The following TGM3 variants were observed in gnomAD, a reference collection of about 807,000 sequenced individuals.
TGM3 encodes the protein protein-glutamine gamma-glutamyltransferase E.
In TGM3, 52 loss-of-function variants were observed where a neutral mutation model predicts 73.8. The ratio of observed to expected loss-of-function variants is 0.70; its 90% CI spans 0.56 to 0.89. TGM3 has a LOEUF of 0.89. Ranked by LOEUF, TGM3 falls within the 40% of genes least tolerant of loss-of-function variation. The pLI, the probability that TGM3 is intolerant of heterozygous loss-of-function variation, is 0.00. For missense variants in TGM3, 928 were observed against 909.9 expected, an observed-to-expected ratio of 1.02 and a Z score of -0.26; for synonymous variants, 372 against 354.9, an observed-to-expected ratio of 1.05 and a Z score of -0.54.
At chr20:2,299,075 A>T (rs2084127673) in intron 1 of TGM3, among the ~76,000 whole-genome samples, 1 of 152,174 alleles carries the variant, frequency 6.6e-6, no homozygotes, top group Non-Finnish European at 1.5e-5. Context: ...GTGCAGGTTC[A>T]GAGGTGCTCT....
intron 4 of TGM3, among the ~76,000 whole-genome samples, chr20:2,311,581 G>C (rs994137989): frequency 6.6e-6 from 1 of 152,094 alleles, no homozygotes; most frequent in Non-Finnish European, 1.5e-5. Flanking sequence ...ATCCCCATTT[G>C]AGTCTACAGA....
intron 1 of TGM3, among the ~76,000 whole-genome samples, chr20:2,307,350 A>G (rs568147617): frequency 6.6e-6 from 1 of 151,432 alleles, no homozygotes; most frequent in African/African-American, 2.4e-5. Flanking sequence ...GTCCTGCCCC[A>G]ACCCCCACTC....
chr20:2,307,331 C>A (rs1213547279), intron 1 of TGM3, among the ~76,000 whole-genome samples: 8 of 152,012 alleles, frequency 5.3e-5, no homozygotes, highest in African/African-American at 1.9e-4. Context: ...GAGTGGAAGC[C>A]CCTCCGCAGT....
Position 2,339,965 on chromosome 20 carries a change from C to T in TGM3, c.1912C>T (p.Leu638=), listed in dbSNP as rs1371843096. Reference sequence around the variant, plus strand: ...GCTGATGGTGGAGGGAAGCGGCCTGCTGTTGGGTAACCTGAAGATCGAGTG... The same window carrying T: ...GCTGATGGTGGAGGGAAGCGGCCTGTTGTTGGGTAACCTGAAGATCGAGTG... The part of the protein sequence containing the change: ...CVLMVEGSGL[L]LGNLKIDVPT... Residue 638 remains leucine (L), a synonymous_variant, in exon 12 of 13, where the codon CTG becomes TTG. Transcript: ENST00000381458. 7.3e-7 allele frequency: 1 copy of T among 1,367,856 alleles called. No individual in the cohort carries two copies. Among genetic ancestry groups the T allele is most frequent in the Non-Finnish European group, 9.7e-7 (1 of 1,030,830 alleles). The allele number at this position is 1,367,856 out of a possible 1,614,324, so 84.7% of individuals were successfully genotyped here.
rs1043839781 is a variant in TGM3, at chr20:2,332,513, C to T, written c.1642+203C>T. ...TGCCAACCAAATGTCAGGGTGGTGC[C>T]AACCAAAATCCTTTTACGCCCCAAG... On this transcript the variant is annotated intron_variant, in intron 10 of 12. Coordinates refer to ENST00000381458, the MANE Select transcript of TGM3 (RefSeq NM_003245.4). The surrounding 1 kb of genome is among the most constrained non-coding windows in gnomAD (Gnocchi z 4.4). 1.3e-5 allele frequency among the ~76,000 whole-genome samples: 2 copies of T among 152,084 alleles called. No individual in the cohort carries two copies. Among genetic ancestry groups the T allele is most frequent in the African/African-American group, 4.8e-5 (2 of 41,374 alleles).
Position 2,310,326 on chromosome 20 carries a change from G to A in TGM3, c.330G>A (p.Arg110=). ...GTCCTGCCAGCGCACCCATAGGACG[G>A]TACACAATGGCCCTCCAGATCTTCT... ...ISSPASAPIG[R]YTMALQIFSQ... is the part of the protein sequence containing the mutation. The change falls in exon 3 of 13, where the codon CGG becomes CGA. Residue 110 remains arginine, a synonymous_variant. Transcript: ENST00000381458. The A allele has an allele frequency of 6.2e-7, 1 of 1,614,194 alleles. No homozygotes were observed. The highest frequency in any genetic ancestry group is 8.5e-7 in the Non-Finnish European group (1 of 1,180,028).
chr20:2,325,744 G>A (rs991861394), intron 7 of TGM3, 105 bp from the exon 8 acceptor site: 84 of 803,536 alleles, frequency 1.0e-4, no homozygotes, highest in East Asian at 7.5e-4. Flanking sequence ...AAACTCACTC[G>A]ATGCATGTTG....
rs960032281 is a variant in TGM3, at chr20:2,317,926, TATATATATATATATATC to T, written c.983+458_983+474del. On this transcript the variant is annotated intron_variant, in intron 7 of 12. Transcript: ENST00000381458. ...AAGCAACACATCTTCTCTTAGCATA[TATATATATATATATATC>T]ATATATATATATATATACACCTATT... 4.9e-4 allele frequency among the ~76,000 whole-genome samples: 66 copies of T among 134,826 alleles called. 1 individual carries two copies. In the South Asian group the frequency reaches 9.5e-3, roughly 19 times the overall value. The allele number at this position is 134,826 out of a possible 152,430, so 88.5% of individuals were successfully genotyped here.
chr20:2,310,070 G>A, intron 2 of TGM3, 108 bp from the exon 3 acceptor site: 1 of 1,506,150 alleles, frequency 6.6e-7, no homozygotes, highest in South Asian at 1.2e-5. Context: ...GGTAGAATAT[G>A]GCGCTTCATT....
intron 8 of TGM3, among the ~76,000 whole-genome samples, chr20:2,327,344 C>T (rs909634290): frequency 5.9e-5 from 9 of 151,308 alleles, no homozygotes; most frequent in Admixed American, 1.3e-4. Flanking sequence ...GGCGTGGTGG[C>T]GGGCGCCTGT....
At chr20:2,306,267 C>T (rs1240091317) in intron 1 of TGM3, among the ~76,000 whole-genome samples, 2 of 152,096 alleles carry the variant, frequency 1.3e-5, no homozygotes, top group Non-Finnish European at 2.9e-5. Context: ...AGCAGACTTT[C>T]TACTTTCAAA....
rs983404022 is a variant in TGM3 at position 2,334,813 on chromosome 20, A to T, written c.1643-303A>T. 3.9e-5 allele frequency among the ~76,000 whole-genome samples: 6 copies of T among 152,150 alleles called. No individual in the cohort carries two copies. The highest frequency in any genetic ancestry group is 8.8e-5 in the Non-Finnish European group (6 of 68,024). The stretch of plus-strand genomic sequence containing the variant: ...TTAAAAAATTTTAAAAAAAAAGGAC[A>T]CTTGCCCTCCAACATTTTTCGGAGT... On this transcript the variant is annotated intron_variant, in intron 10 of 12. Coordinates refer to ENST00000381458, the MANE Select transcript of TGM3 (RefSeq NM_003245.4). This position sits in a 1 kb window ranked among gnomAD's most constrained non-coding sequence, Gnocchi z 4.0.
At chr20:2,340,236 A>AC (rs544498584) in intron 12 of TGM3, among the ~76,000 whole-genome samples, 198 bp from the exon 13 acceptor site, 1,765 of 149,866 alleles carry the variant, frequency 0.012, 22 homozygotes, top group Non-Finnish European at 0.019. Flanking sequence ...AGATCATGGG[A>AC]CCCCCCCCTC....
chr20:2,325,781 G>GTGCTGTCTTGCCACTCATC, intron 7 of TGM3, 68 bp from the exon 8 acceptor site: 1 of 1,110,300 alleles, frequency 9.0e-7, no homozygotes, highest in Admixed American at 2.0e-5. Context: ...GGGCAAAGAT[G>GTGCTGTCTTGCCACTCATC]TGCTGTCTTG....
intron 7 of TGM3, among the ~76,000 whole-genome samples, chr20:2,324,882 A>AT (rs541232526): frequency 6.6e-6 from 1 of 151,902 alleles, no homozygotes; most frequent in African/African-American, 2.4e-5. Context: ...CTAGTTTTTC[A>AT]TTTTTTTCCC....
chr20:2,320,288 G>A (rs2084255858), intron 7 of TGM3, among the ~76,000 whole-genome samples: 2 of 152,350 alleles, frequency 1.3e-5, no homozygotes, highest in African/African-American at 2.4e-5. Flanking sequence ...AGTAACAGCA[G>A]CAACTAATAA....
At chr20:2,315,566 T>C (rs1014041517) in intron 5 of TGM3, among the ~76,000 whole-genome samples, 5 of 152,218 alleles carry the variant, frequency 3.3e-5, no homozygotes, top group African/African-American at 1.2e-4. Flanking sequence ...TCCATTCTCA[T>C]AGGCCTTGCC....
intron 11 of TGM3, among the ~76,000 whole-genome samples, chr20:2,337,707 G>A (rs550377687): frequency 2.0e-5 from 3 of 151,342 alleles, no homozygotes; most frequent in Non-Finnish European, 4.4e-5. Context: ...CTGACAGAGT[G>A]AGACTCCGTC....
rs199983032 is a variant in TGM3, at chr20:2,339,863, G to A, written c.1810G>A (p.Glu604Lys). The change falls in exon 12 of 13, where the codon GAG becomes AAG. Residue 604 changes from glutamate (E) to lysine (K), a missense_variant. Physicochemically the swap from Glu to Lys is moderately conservative, Grantham distance 56. Coordinates refer to ENST00000381458, the MANE Select transcript of TGM3 (RefSeq NM_003245.4). ...CCCCTCTCCCCCATAGGTGCTGAAC[G>A]AGGCTCGTGTGCGGAAGCCTGTGAA... ...NPTLTLEVLN[E>K]ARVRKPVNVQ... The A allele has an allele frequency of 4.9e-5, 79 of 1,613,966 alleles. No homozygotes were observed. In the Middle Eastern group the frequency reaches 8.2e-4, roughly 17 times the overall value.
Sources: allele counts gnomAD v4.1 joint callset (sites outside exome capture counted in the v4.1 genomes callset), GRCh38; gene constraint gnomAD v4.1.1; non-coding constraint Gnocchi (gnomAD v3.1); transcripts MANE v1.5; gene names NCBI Gene and HGNC (gene_info 2026-07-23, HGNC 2026-07-21).